Variants in ADGRL2 observed in about 807,000 individuals in gnomAD.
ADGRL2 encodes the protein adhesion G protein-coupled receptor L2.
Under a neutral mutation model 157.4 loss-of-function variants are expected in ADGRL2, and 44 were observed. The ratio of observed to expected loss-of-function variants is 0.28; its 90% CI spans 0.22 to 0.36. The LOEUF (loss-of-function observed/expected upper bound fraction) is 0.36. ADGRL2 is among the 10% of genes least tolerant of loss of function. The pLI, the probability that ADGRL2 is intolerant of heterozygous loss-of-function variation, is 1.00. For synonymous variants in ADGRL2, 585 were observed against 624.7 expected (o/e 0.94, Z 0.95); for missense variants, 1,510 against 1,768.9 (o/e 0.85, Z 2.63).
At chr1:81,789,480 C>T (rs2087222283) in intron 2 of ADGRL2, among the ~76,000 whole-genome samples, 1 of 151,960 alleles carries the variant, frequency 6.6e-6, no homozygotes, top group Admixed American at 6.6e-5. Flanking sequence ...GTAATCCCAG[C>T]ACTTTGGGAG....
chr1:81,386,730 C>T (rs2076442644), intron 1 of ADGRL2, among the ~76,000 whole-genome samples: 1 of 152,124 alleles, frequency 6.6e-6, no homozygotes, highest in African/African-American at 2.4e-5. Context: ...TAAAATATAG[C>T]TCTTGCTGCC....
At chr1:81,334,960 G>A (rs1198461525) in intron 1 of ADGRL2, among the ~76,000 whole-genome samples, 1 of 152,190 alleles carries the variant, frequency 6.6e-6, no homozygotes, top group African/African-American at 2.4e-5. Flanking sequence ...AGTGGGCTAT[G>A]TCAAGGGCTT....
At chr1:81,721,806 G>A in intron 1 of ADGRL2, 2 of 1,131,342 alleles carry the variant, frequency 1.8e-6, no homozygotes, top group African/African-American at 1.5e-5. Flanking sequence ...GGAGCAGGCG[G>A]TAAAGTACCA....
intron 1 of ADGRL2, among the ~76,000 whole-genome samples, chr1:81,707,465 G>A (rs557458477): frequency 6.6e-6 from 1 of 152,294 alleles, no homozygotes; most frequent in East Asian, 1.9e-4. Flanking sequence ...ACGTAAAAGT[G>A]TGTTCCTTGG....
intron 2 of ADGRL2, among the ~76,000 whole-genome samples, chr1:81,844,863 G>A (rs796248): frequency 0.13 from 19,287 of 152,066 alleles, 1,302 homozygotes; most frequent in Admixed American, 0.21. Flanking sequence ...TGACTTTTAT[G>A]TCTGCCATAA....
At chr1:81,647,257 C>T (rs1273615905) in intron 3 of ADGRL2, among the ~76,000 whole-genome samples, 3 of 152,102 alleles carry the variant, frequency 2.0e-5, no homozygotes, top group Non-Finnish European at 4.4e-5. Context: ...GGAAAGTTTA[C>T]CTTGTGTTTG....
At chr1:81,845,926 C>T (rs2092771032) in intron 2 of ADGRL2, among the ~76,000 whole-genome samples, 1 of 151,780 alleles carries the variant, frequency 6.6e-6, no homozygotes, top group South Asian at 2.1e-4. Context: ...TTTTGTGAGA[C>T]CTTCCATTAT....
chr1:81,764,962 T>C, intron 2 of ADGRL2, among the ~76,000 whole-genome samples: 1 of 152,088 alleles, frequency 6.6e-6, no homozygotes, highest in East Asian at 1.9e-4. Flanking sequence ...GAAAGTCTCA[T>C]CCATATTTCG....
At chr1:81,396,794 G>T (rs566625346) in intron 1 of ADGRL2, among the ~76,000 whole-genome samples, 65 of 152,264 alleles carry the variant, frequency 4.3e-4, no homozygotes, top group Non-Finnish European at 7.8e-4. Context: ...ATTTGTGTAT[G>T]TTGAATCATC....
At chr1:81,371,311 G>T (rs2076156651) in intron 1 of ADGRL2, among the ~76,000 whole-genome samples, 1 of 152,138 alleles carries the variant, frequency 6.6e-6, no homozygotes, top group Admixed American at 6.6e-5. Context: ...ACCAAGTAAG[G>T]TTGAAATAGC....
At chr1:81,356,665 T>TC (rs886737536) in intron 1 of ADGRL2, among the ~76,000 whole-genome samples, 1 of 152,090 alleles carries the variant, frequency 6.6e-6, no homozygotes, top group African/African-American at 2.4e-5. Context: ...TTAAGAAGTT[T>TC]CTTTTTGGCT....
chr1:81,495,475 T>C (rs1430187805), intron 2 of ADGRL2, among the ~76,000 whole-genome samples: 1 of 152,320 alleles, frequency 6.6e-6, no homozygotes, highest in South Asian at 2.1e-4. Flanking sequence ...ATTCCATTTG[T>C]GCTGCAACAA....
At chr1:81,783,295 T>A (rs942620170) in intron 2 of ADGRL2, among the ~76,000 whole-genome samples, 2 of 151,984 alleles carry the variant, frequency 1.3e-5, no homozygotes, top group Non-Finnish European at 2.9e-5. Context: ...GCTAATTTTT[T>A]TTTTTTTGTA....
intron 1 of ADGRL2, chr1:81,426,345 C>T: frequency 3.7e-6 from 1 of 267,878 alleles, no homozygotes; most frequent in Non-Finnish European, 7.3e-6. Context: ...GGAGAAAGGG[C>T]AGAGAAAGTT....
At chr1:81,346,473 T>G (rs1242843622) in intron 1 of ADGRL2, among the ~76,000 whole-genome samples, 1 of 152,100 alleles carries the variant, frequency 6.6e-6, no homozygotes, top group African/African-American at 2.4e-5. Context: ...TCCTCAAAAT[T>G]TATATATTGG....
chr1:81,610,105 C>A (rs145878819), intron 3 of ADGRL2, among the ~76,000 whole-genome samples: 37 of 152,172 alleles, frequency 2.4e-4, no homozygotes, highest in Non-Finnish European at 4.4e-4. Context: ...GCTAGTTGCA[C>A]CAGGGGTGCA....
intron 1 of ADGRL2, among the ~76,000 whole-genome samples, chr1:81,417,101 T>C (rs1197896396): frequency 6.6e-6 from 1 of 152,184 alleles, no homozygotes; most frequent in Non-Finnish European, 1.5e-5. Context: ...CTTTATTATT[T>C]TTCTATAAAA....
At chr1:81,567,420 T>C (rs991475563) in intron 2 of ADGRL2, among the ~76,000 whole-genome samples, 14 of 152,112 alleles carry the variant, frequency 9.2e-5, no homozygotes, top group African/African-American at 3.4e-4. Context: ...CTCCCATTTG[T>C]GTGTCCCTAT....
chr1:81,814,959 CACA>C (rs1051618780), intron 1 of ADGRL2, among the ~76,000 whole-genome samples: 1 of 151,556 alleles, frequency 6.6e-6, no homozygotes, highest in Non-Finnish European at 1.5e-5. Flanking sequence ...TAAAAATAAA[CACA>C]ACATCTAAGG....
Sources: gnomAD v4.1 joint callset for allele counts (sites outside exome capture counted in the v4.1 genomes callset) on GRCh38, gnomAD v4.1.1 for gene constraint, MANE v1.5 for transcripts, NCBI Gene and HGNC (gene_info 2026-07-23, HGNC 2026-07-21) for gene names.